The following EDA variants were observed in gnomAD, a reference collection of about 807,000 sequenced individuals.
EDA encodes the protein ectodysplasin A, also known as ectodysplasin-A.
Under a neutral mutation model 23.6 loss-of-function variants are expected in EDA, and 2 were observed. The ratio of observed to expected loss-of-function variants is 0.08; its 90% CI spans 0.03 to 0.27. The LOEUF (loss-of-function observed/expected upper bound fraction) is 0.27, where lower values mean the gene tolerates loss of function less well. Among genes scored for constraint, EDA ranks in the 10% least tolerant of loss-of-function variants. The probability of loss-of-function intolerance (pLI) is 1.00; values close to 1 mark genes in which losing one functional copy is unlikely to be tolerated. For synonymous variants in EDA, 131 were observed against 132.0 expected, an observed-to-expected ratio of 0.99 and a Z score of 0.05; for missense variants, 229 against 324.2, an observed-to-expected ratio of 0.71 and a Z score of 2.26.
chrX:69,858,526 T>G (rs1281843789), intron 1 of EDA, among the ~76,000 whole-genome samples: 1 of 112,253 alleles, frequency 8.9e-6, no homozygotes, highest in Non-Finnish European at 1.9e-5. Context: ...ATGTGATGAA[T>G]CACATTCATT....
At chrX:69,927,241 A>C (rs1019212344) in intron 1 of EDA, among the ~76,000 whole-genome samples, 7 of 111,681 alleles carry the variant, frequency 6.3e-5, no homozygotes, top group Non-Finnish European at 1.1e-4. Context: ...CAGTTTCTTC[A>C]TAGTGTCATT....
chrX:69,992,478 A>G (rs1399807344), intron 2 of EDA, among the ~76,000 whole-genome samples: 1 of 112,404 alleles, frequency 8.9e-6, no homozygotes, highest in Admixed American at 9.4e-5. Context: ...ATACATGTAT[A>G]ATTTATTCAT....
At position 69,781,115 on chromosome X, in the gene EDA, A is replaced by G; in HGVS notation, c.396+164411A>G. Among the ~76,000 whole-genome samples the G allele has an allele frequency of 1.8e-5, 2 of 111,742 alleles. 1 individual carries two copies. On this transcript the variant is annotated intron_variant, in intron 1 of 7. Coordinates refer to ENST00000374552, the MANE Select transcript of EDA (RefSeq NM_001399.5). Reference sequence around the variant, plus strand: ...GATTGAATAATAGTCCATTGTATGAAAATACAACATTTTATTTATCTACTC... The same window carrying G: ...GATTGAATAATAGTCCATTGTATGAGAATACAACATTTTATTTATCTACTC...
At chrX:70,028,676 C>A (rs1282181807) in intron 4 of EDA, among the ~76,000 whole-genome samples, 7 of 112,873 alleles carry the variant, frequency 6.2e-5, no homozygotes, top group Non-Finnish European at 9.4e-5. Context: ...CCACACTTGC[C>A]ATTCAAATGT....
intron 2 of EDA, among the ~76,000 whole-genome samples, chrX:69,976,942 T>A (rs1327477): frequency 0.088 from 9,849 of 112,043 alleles, 842 homozygotes; most frequent in East Asian, 0.61. Context: ...TTGTTCACAT[T>A]ATTGATTGAC....
rs750635386 is a variant in EDA at position 69,616,695 on chromosome X, C to G, written c.387C>G (p.Asp129Glu). ...GEAALHSDSQ[D>E]GHQMALLNFF... Reference sequence around the variant, plus strand: ...CCGCACTCCACTCTGACTCCCAGGACGGGCACCAGGTGAGTCACCTAGTAG... The same window carrying G: ...CCGCACTCCACTCTGACTCCCAGGAGGGGCACCAGGTGAGTCACCTAGTAG... The change falls in exon 1 of 8, where the codon GAC becomes GAG. Residue 129 changes from aspartate to glutamate, a missense_variant. By Grantham distance (45) the Asp-to-Glu change is conservative. This residue lies in a region of EDA where 175 missense variants were observed against 281.8 expected (regional missense o/e 0.62). Transcript: ENST00000374552. 7.4e-6 allele frequency: 9 copies of G among 1,209,982 alleles called. No homozygotes were observed. The Admixed American group carries it at 8.7e-5, about 12-fold the overall frequency.
chrX:69,669,653 TTTTTTC>T (rs1236952952), intron 1 of EDA, among the ~76,000 whole-genome samples: 3 of 111,573 alleles, frequency 2.7e-5, no homozygotes, highest in East Asian at 5.6e-4. Flanking sequence ...TTAACCATCT[TTTTTTC>T]TTTTTCTTTT....
At position 69,739,485 on chromosome X, in the gene EDA, A is replaced by T. The variant is rs765581605; in HGVS notation, c.396+122781A>T. On this transcript the variant is annotated intron_variant, in intron 1 of 7. Transcript: ENST00000374552. ...GGATTGTTTAGTCATATTTAATTTT[A>T]TTATTGATGTAGTTGGATTTATATC... 7.2e-5 allele frequency among the ~76,000 whole-genome samples: 8 copies of T among 110,922 alleles called. No individual in the cohort carries two copies. In the South Asian group the frequency reaches 3.0e-3, roughly 41 times the overall value.
intron 2 of EDA, among the ~76,000 whole-genome samples, chrX:69,959,204 C>A (rs1425389693): frequency 1.8e-5 from 2 of 112,163 alleles, no homozygotes; most frequent in East Asian, 2.8e-4. Context: ...CCCTCCTGAT[C>A]TGATACTCTA....
intron 1 of EDA, among the ~76,000 whole-genome samples, chrX:69,766,330 G>A (rs138296245): frequency 0.031 from 3,412 of 110,537 alleles, 58 homozygotes; most frequent in Non-Finnish European, 0.049. Context: ...ATGCAGGTTT[G>A]TTATATAGGT....
intron 1 of EDA, among the ~76,000 whole-genome samples, chrX:69,679,713 TTTTC>T (rs1934257749): frequency 1.8e-5 from 2 of 111,824 alleles, no homozygotes; most frequent in Non-Finnish European, 3.8e-5. Flanking sequence ...TTCTCTCTTT[TTTTC>T]TTTATTAGTC....
At chrX:69,948,630 A>G (rs1310928226) in intron 1 of EDA, among the ~76,000 whole-genome samples, 4 of 112,141 alleles carry the variant, frequency 3.6e-5, no homozygotes, top group African/African-American at 1.3e-4. Flanking sequence ...CTGTGCTTCT[A>G]TTGTTGTCAC....
chrX:69,853,818 A>G (rs1402514159), intron 1 of EDA, among the ~76,000 whole-genome samples: 2 of 111,093 alleles, frequency 1.8e-5, no homozygotes, highest in Non-Finnish European at 3.8e-5. Flanking sequence ...CGGGCCATGT[A>G]CAGTCTTTGT....
At chrX:69,683,472 C>G (rs141500680) in intron 1 of EDA, among the ~76,000 whole-genome samples, 15 of 111,766 alleles carry the variant, frequency 1.3e-4, no homozygotes, top group African/African-American at 4.9e-4. Flanking sequence ...GCCATGTATT[C>G]CATGGAATAC....
intron 1 of EDA, among the ~76,000 whole-genome samples, chrX:69,618,897 A>G (rs1932079046): frequency 8.9e-6 from 1 of 112,109 alleles, no homozygotes; most frequent in Admixed American, 9.4e-5. Context: ...TATCTTGTAT[A>G]TTAGTTTTAG....
At chrX:69,895,142 C>G (rs2017992428) in intron 1 of EDA, among the ~76,000 whole-genome samples, 1 of 111,056 alleles carries the variant, frequency 9.0e-6, no homozygotes, top group Non-Finnish European at 1.9e-5. Context: ...TTATCAAAGG[C>G]CTTTTCTGCA....
intron 1 of EDA, among the ~76,000 whole-genome samples, chrX:69,634,416 G>A (rs1303921925): frequency 1.8e-5 from 2 of 111,019 alleles, no homozygotes; most frequent in Non-Finnish European, 3.8e-5. Flanking sequence ...GGGCTAAAGT[G>A]ATCCTTCCGC....
intron 1 of EDA, among the ~76,000 whole-genome samples, chrX:69,826,766 T>A (rs866444219): frequency 9.1e-6 from 1 of 109,498 alleles, no homozygotes; most frequent in African/African-American, 3.3e-5. Context: ...TGATTTTGCT[T>A]GTTAGTTGAT....
chrX:69,789,874 A>G (rs921838702), intron 1 of EDA, among the ~76,000 whole-genome samples: 25 of 112,280 alleles, frequency 2.2e-4, no homozygotes, highest in African/African-American at 8.1e-4. Flanking sequence ...TGAAAAGGGG[A>G]AAATTGAAGC....
Sources: allele counts gnomAD v4.1 joint callset (sites outside exome capture counted in the v4.1 genomes callset), GRCh38; gene constraint gnomAD v4.1.1; regional missense constraint gnomAD v4.1.1; transcripts MANE v1.5; gene names NCBI Gene and HGNC (gene_info 2026-07-23, HGNC 2026-07-21).